PREX1: variants seen among roughly 807,000 people sequenced by gnomAD.
The protein encoded by PREX1 is phosphatidylinositol 3,4,5-trisphosphate-dependent Rac exchanger 1 protein.
In PREX1, 41 loss-of-function variants were observed where a neutral mutation model predicts 198.3. The observed-to-expected ratio is 0.21, with a 90% CI of 0.16 to 0.27. The LOEUF (loss-of-function observed/expected upper bound fraction) is 0.27, where lower values mean the gene tolerates loss of function less well. Among genes scored for constraint, PREX1 ranks in the 10% least tolerant of loss-of-function variants. The pLI, the probability that PREX1 is intolerant of heterozygous loss-of-function variation, is 1.00. For missense variants in PREX1, 1,620 were observed against 2,200.7 expected, an observed-to-expected ratio of 0.74 and a Z score of 5.28; for synonymous variants, 843 against 887.2, an observed-to-expected ratio of 0.95 and a Z score of 0.89.
intron 15 of PREX1, among the ~76,000 whole-genome samples, chr20:48,661,333 T>C (rs1472553825): frequency 7.0e-6 from 1 of 143,428 alleles, no homozygotes; most frequent in Non-Finnish European, 1.5e-5. Flanking sequence ...GCAGGAGAAC[T>C]GCTTGAACCC....
chr20:48,831,346 A>C (rs1254711974), upstream of PREX1, among the ~76,000 whole-genome samples: 1 of 152,186 alleles, frequency 6.6e-6, no homozygotes, highest in East Asian at 1.9e-4. Context: ...CCCCTGGCAC[A>C]AGGCTGCCCA....
At chr20:48,739,834 T>C (rs1323727364) in intron 3 of PREX1, among the ~76,000 whole-genome samples, 2 of 152,300 alleles carry the variant, frequency 1.3e-5, no homozygotes, top group East Asian at 1.9e-4. Context: ...TATAACTTAA[T>C]CTCTCTGGGC....
chr20:48,770,162 C>A (rs1191572466), intron 1 of PREX1, among the ~76,000 whole-genome samples: 2 of 152,194 alleles, frequency 1.3e-5, no homozygotes, highest in Non-Finnish European at 2.9e-5. Context: ...GTCAGTGGGT[C>A]TGATGCCCAG....
At chr20:48,872,912 C>T in the PREX1 span, among the ~76,000 whole-genome samples, 1,958 of 152,308 alleles carry the variant, frequency 0.013, 40 homozygotes, top group African/African-American at 0.045. Flanking sequence ...ATTTACTCAA[C>T]AGCAATTTGC....
intron 14 of PREX1, among the ~76,000 whole-genome samples, chr20:48,668,205 A>C (rs1011460857): frequency 6.6e-6 from 1 of 152,134 alleles, no homozygotes; most frequent in Non-Finnish European, 1.5e-5. Flanking sequence ...CAAGCAGAGG[A>C]AACAGCAGGG....
rs192603085 is a variant in PREX1, at chr20:48,692,526, T to C, written c.1036+146A>G. On this transcript the variant is annotated intron_variant, in intron 8 of 39. Transcript: ENST00000371941. Reference sequence around the variant, plus strand: ...GAATGCTAACCACCCAGATGTTCGCTTCATGCATCTATGCTCTGGGCACTT... The same window carrying C: ...GAATGCTAACCACCCAGATGTTCGCCTCATGCATCTATGCTCTGGGCACTT... The C allele has an allele frequency of 9.6e-5, 59 of 613,310 alleles. 1 individual carries two copies. Among genetic ancestry groups the C allele is most frequent in the African/African-American group, 9.2e-4 (50 of 54,444 alleles). The allele number at this position is 613,310 out of a possible 1,614,324, so 38.0% of individuals were successfully genotyped here.
At chr20:48,853,642 G>A in the PREX1 span, among the ~76,000 whole-genome samples, 44 of 152,202 alleles carry the variant, frequency 2.9e-4, no homozygotes, top group African/African-American at 9.6e-4. Context: ...TTCTGCCTTG[G>A]TACACCATGC....
chr20:48,697,384 C>CT (rs11289036), intron 7 of PREX1, among the ~76,000 whole-genome samples: 2,468 of 138,812 alleles, frequency 0.018, 52 homozygotes, highest in East Asian at 0.058. Flanking sequence ...TTTTTCTTTT[C>CT]TTTTTTTTTT....
At chr20:48,632,192 G>A in intron 35 of PREX1, 85 bp downstream of exon 35, 4 of 1,296,802 alleles carry the variant, frequency 3.1e-6, no homozygotes, top group Non-Finnish European at 4.4e-6. Context: ...CATGCTGGGG[G>A]TCCGCCTGGC....
intron 1 of PREX1, among the ~76,000 whole-genome samples, chr20:48,798,450 C>T (rs1010785400): frequency 2.0e-5 from 3 of 152,210 alleles, no homozygotes; most frequent in Admixed American, 1.3e-4. Context: ...GGCAGGCTGC[C>T]ACACTGGGAG....
chr20:48,817,646 G>C (rs2090464696), intron 1 of PREX1, among the ~76,000 whole-genome samples: 1 of 152,062 alleles, frequency 6.6e-6, no homozygotes, highest in Non-Finnish European at 1.5e-5. Flanking sequence ...ATGCCACACT[G>C]TAAAAAATTC....
chr20:48,770,472 A>C (rs1041821918), intron 1 of PREX1, among the ~76,000 whole-genome samples: 7 of 152,206 alleles, frequency 4.6e-5, no homozygotes, highest in African/African-American at 1.7e-4. Flanking sequence ...GCACTTTGGA[A>C]GGCTGAGGCA....
intron 6 of PREX1, among the ~76,000 whole-genome samples, chr20:48,704,886 CT>C (rs1318450207): frequency 2.6e-5 from 4 of 152,166 alleles, no homozygotes; most frequent in Admixed American, 1.3e-4. Flanking sequence ...TACACATTTC[CT>C]TTTTTATCAC....
At chr20:48,882,973 C>A in the PREX1 span, among the ~76,000 whole-genome samples, 1 of 148,710 alleles carries the variant, frequency 6.7e-6, no homozygotes, top group Non-Finnish European at 1.5e-5. Context: ...GCTCTGTCAC[C>A]CAGGCTGAAG....
chr20:48,672,933 T>C (rs972749760), intron 14 of PREX1, among the ~76,000 whole-genome samples: 1 of 152,154 alleles, frequency 6.6e-6, no homozygotes, highest in Non-Finnish European at 1.5e-5. Flanking sequence ...CAGAACGTAA[T>C]ATCTGGGAGA....
intron 14 of PREX1, among the ~76,000 whole-genome samples, chr20:48,674,238 C>G (rs907286684): frequency 6.6e-6 from 1 of 152,202 alleles, no homozygotes; most frequent in African/African-American, 2.4e-5. Flanking sequence ...TTTGATATCT[C>G]TTTGGGCTAG....
upstream of PREX1, among the ~76,000 whole-genome samples, chr20:48,832,712 C>T (rs1251156329): frequency 6.6e-6 from 1 of 152,200 alleles, no homozygotes; most frequent in African/African-American, 2.4e-5. Flanking sequence ...AGTTGAGCTA[C>T]CCCCAGCTGC....
the PREX1 span, among the ~76,000 whole-genome samples, chr20:48,870,496 T>C: frequency 1.3e-5 from 2 of 152,234 alleles, no homozygotes; most frequent in South Asian, 4.1e-4. Context: ...AGTGAGAAAC[T>C]GTGGCTTCTG....
chr20:48,668,125 G>A (rs942286419), intron 14 of PREX1, among the ~76,000 whole-genome samples: 13 of 152,068 alleles, frequency 8.5e-5, no homozygotes, highest in East Asian at 1.9e-4. Flanking sequence ...CACTCAATAC[G>A]TCCCGGCCAA....
Sources: allele counts gnomAD v4.1 joint callset (sites outside exome capture counted in the v4.1 genomes callset), GRCh38; gene constraint gnomAD v4.1.1; transcripts MANE v1.5; gene names NCBI Gene and HGNC (gene_info 2026-07-23, HGNC 2026-07-21).